ZFPM2: variants seen among roughly 807,000 people sequenced by gnomAD.
The protein encoded by ZFPM2 is zinc finger protein, FOG family member 2, also known as zinc finger protein ZFPM2.
A neutral mutation model predicts 98.6 loss-of-function variants in ZFPM2; 20 were observed. That is an observed-to-expected ratio of 0.20 (90% CI 0.14 to 0.29). The LOEUF (loss-of-function observed/expected upper bound fraction) is 0.29. Among genes scored for constraint, ZFPM2 ranks in the 10% least tolerant of loss-of-function variants. The pLI is 1.00. For missense variants in ZFPM2, 1,310 were observed against 1,388.6 expected (o/e 0.94, Z 0.90); for synonymous variants, 518 against 502.7 (o/e 1.03, Z -0.41).
chr8:105,542,999 G>C (rs559210287), intron 3 of ZFPM2, among the ~76,000 whole-genome samples: 9 of 152,186 alleles, frequency 5.9e-5, no homozygotes, highest in African/African-American at 2.2e-4. Flanking sequence ...TCATTAGGTT[G>C]TTACTAGTAT....
At chr8:105,613,661 T>C (rs1331303821) in intron 4 of ZFPM2, among the ~76,000 whole-genome samples, 1 of 152,116 alleles carries the variant, frequency 6.6e-6, no homozygotes, top group Non-Finnish European at 1.5e-5. Context: ...TAGGTCCTAG[T>C]AGGACCCATT....
At chr8:105,621,819 T>C (rs1816557328) in intron 4 of ZFPM2, among the ~76,000 whole-genome samples, 1 of 152,126 alleles carries the variant, frequency 6.6e-6, no homozygotes, top group South Asian at 2.1e-4. Flanking sequence ...ATCCTTAATT[T>C]CTTTAAAATT....
At chr8:105,541,475 A>G (rs907903073) in intron 3 of ZFPM2, among the ~76,000 whole-genome samples, 1 of 152,172 alleles carries the variant, frequency 6.6e-6, no homozygotes, top group South Asian at 2.1e-4. Flanking sequence ...AAGAATCTCT[A>G]TATTGGAAGA....
intron 3 of ZFPM2, among the ~76,000 whole-genome samples, chr8:105,540,545 C>G (rs1033687126): frequency 2.6e-5 from 4 of 152,044 alleles, no homozygotes; most frequent in Admixed American, 1.3e-4. Context: ...ATTCTAAAAA[C>G]TATTGAAATG....
intron 1 of ZFPM2, among the ~76,000 whole-genome samples, chr8:105,404,501 C>A (rs1399230378): frequency 6.6e-6 from 1 of 151,960 alleles, no homozygotes; most frequent in South Asian, 2.1e-4. Flanking sequence ...TAACTCAGCA[C>A]GTATGAATCT....
At chr8:105,619,346 A>C (rs1408784703) in intron 4 of ZFPM2, among the ~76,000 whole-genome samples, 2 of 152,040 alleles carry the variant, frequency 1.3e-5, no homozygotes, top group Non-Finnish European at 2.9e-5. Flanking sequence ...TAATATTGAC[A>C]ATCTACGTAT....
At chr8:105,405,676 T>A (rs1028951730) in intron 1 of ZFPM2, among the ~76,000 whole-genome samples, 64 of 152,078 alleles carry the variant, frequency 4.2e-4, no homozygotes, top group African/African-American at 1.4e-3. Flanking sequence ...ATCCAGTCTA[T>A]CATTGTTGGA....
At chr8:105,436,074 C>T (rs777924545) in intron 2 of ZFPM2, among the ~76,000 whole-genome samples, 1 of 151,938 alleles carries the variant, frequency 6.6e-6, no homozygotes, top group South Asian at 2.1e-4. Flanking sequence ...GTAAAAAGAA[C>T]GAAACTAAAA....
At chr8:105,565,926 T>C (rs944094243) in intron 4 of ZFPM2, among the ~76,000 whole-genome samples, 2 of 152,160 alleles carry the variant, frequency 1.3e-5, no homozygotes, top group African/African-American at 4.8e-5. Context: ...GGAATTGGCT[T>C]GTCCAGTTAT....
chr8:105,368,903 C>T (rs886698604), intron 1 of ZFPM2, among the ~76,000 whole-genome samples: 2 of 152,136 alleles, frequency 1.3e-5, no homozygotes, highest in Non-Finnish European at 2.9e-5. Context: ...AGGTGATGTG[C>T]AACTTTGACC....
intron 3 of ZFPM2, among the ~76,000 whole-genome samples, chr8:105,507,842 CTG>C (rs1813735186): frequency 6.6e-6 from 1 of 152,146 alleles, no homozygotes; most frequent in Non-Finnish European, 1.5e-5. Flanking sequence ...AATCAGAAAA[CTG>C]AGGTAGAATG....
chr8:105,684,224 TAC>T (rs1810681766), intron 5 of ZFPM2, among the ~76,000 whole-genome samples: 2 of 152,180 alleles, frequency 1.3e-5, no homozygotes, highest in African/African-American at 4.8e-5. Context: ...AGTTAGTTAT[TAC>T]TTAATTTGTT....
intron 1 of ZFPM2, among the ~76,000 whole-genome samples, chr8:105,329,619 C>T (rs960691355): frequency 1.3e-5 from 2 of 151,752 alleles, no homozygotes; most frequent in Non-Finnish European, 2.9e-5. Context: ...TAAATTTAAA[C>T]TTTTTGAAGA....
chr8:105,498,216 T>TA (rs1813515612), intron 3 of ZFPM2, among the ~76,000 whole-genome samples: 1 of 151,916 alleles, frequency 6.6e-6, no homozygotes, highest in Non-Finnish European at 1.5e-5. Flanking sequence ...ACAAAAACAA[T>TA]AAAAAATCCA....
intron 3 of ZFPM2, among the ~76,000 whole-genome samples, chr8:105,487,925 TCTATCTAGCTAGCTAGCTAG>T (rs1221475933): frequency 0.013 from 1,477 of 111,048 alleles, 16 homozygotes; most frequent in African/African-American, 0.035. Context: ...TATCTATCTA[TCTATCTAGCTAGCTAGCTAG>T]CTAGCTATCT....
intron 4 of ZFPM2, among the ~76,000 whole-genome samples, chr8:105,608,731 A>G (rs1290908146): frequency 6.6e-6 from 1 of 152,002 alleles, no homozygotes; most frequent in African/African-American, 2.4e-5. Context: ...AATATCCAGG[A>G]AGAAATATCC....
chr8:105,787,812 C>T (rs1813464512), intron 5 of ZFPM2, among the ~76,000 whole-genome samples: 1 of 152,128 alleles, frequency 6.6e-6, no homozygotes, highest in East Asian at 1.9e-4. Context: ...CATATCTAGG[C>T]CTGAGAGTGT....
At chr8:105,631,200 T>G (rs1816748542) in intron 4 of ZFPM2, among the ~76,000 whole-genome samples, 1 of 152,184 alleles carries the variant, frequency 6.6e-6, no homozygotes, top group African/African-American at 2.4e-5. Flanking sequence ...TAAAAAATGT[T>G]TATTGGCTTC....
rs1814116532 is a variant in ZFPM2, at chr8:105,803,629, T to C, written c.*91T>C. ...AAAAATAAGCTGTTTGAATTACATC[T>C]GGGCAATCAGGAGATAATTCATTAT... On this transcript the variant is annotated 3_prime_UTR_variant, in exon 8 of 8. Transcript: ENST00000407775. The C allele has an allele frequency of 7.8e-7, 1 of 1,281,476 alleles. No individual in the cohort carries two copies. The highest frequency in any genetic ancestry group is 1.5e-5 in the African/African-American group (1 of 66,736). The allele number at this position is 1,281,476 out of a possible 1,614,324, so 79.4% of individuals were successfully genotyped here. A position where few individuals can be genotyped will look rare whatever the true frequency, so the allele number is the denominator to read the frequency against.
Sources: allele counts gnomAD v4.1 joint callset (sites outside exome capture counted in the v4.1 genomes callset), GRCh38; gene constraint gnomAD v4.1.1; transcripts MANE v1.5; gene names NCBI Gene and HGNC (gene_info 2026-07-23, HGNC 2026-07-21).